Variants in LRRC4B observed in about 807,000 individuals in gnomAD.
The protein encoded by LRRC4B is leucine-rich repeat-containing protein 4B.
LRRC4B carries 1 observed loss-of-function variant against 7.3 expected under a neutral mutation model. The ratio of observed to expected loss-of-function variants is 0.14; its 90% CI spans 0.05 to 0.65. The LOEUF (loss-of-function observed/expected upper bound fraction) is 0.65. Among genes scored for constraint, LRRC4B ranks in the 30% least tolerant of loss-of-function variants. LRRC4B has a pLI of 0.84. For missense variants in LRRC4B, 730 were observed against 1,041.6 expected, an observed-to-expected ratio of 0.70 and a Z score of 4.12; for synonymous variants, 500 against 499.2, an observed-to-expected ratio of 1.00 and a Z score of -0.02.
In LRRC4B at chr19:50,553,299, G is replaced by A. The variant is rs1207396658; in HGVS notation, c.-35-4426C>T. Among the ~76,000 whole-genome samples, 2 of 151,970 alleles carry A rather than the reference G, an allele frequency of 1.3e-5. No individual in the cohort carries two copies. Among genetic ancestry groups the A allele is most frequent in the African/African-American group, 2.4e-5 (1 of 41,356 alleles). On this transcript the variant is annotated intron_variant, in intron 1 of 2. Transcript: ENST00000652263. This position sits in a 1 kb window ranked among gnomAD's most constrained non-coding sequence, Gnocchi z 4.2. ...GTCAACACCCCATGGACCCTGCCCC[G>A]CCTCTGCTCCACAGCCTTCCACAGC...
Position 50,526,187 on chromosome 19 carries a change from A to G in LRRC4B, c.298-6772T>C, listed in dbSNP as rs140997516. ...ATGACAGTGAGAGCCCATAAGACACAGTCTCTGCCCTGGAGCAGCTCATCC... is the reference window on the plus strand; with the variant it reads ...ATGACAGTGAGAGCCCATAAGACACGGTCTCTGCCCTGGAGCAGCTCATCC... On this transcript the variant is annotated intron_variant, in intron 2 of 2. Coordinates refer to ENST00000652263, the MANE Select transcript of LRRC4B (RefSeq NM_001080457.2). Among the ~76,000 whole-genome samples, 206 of 152,182 alleles carry G rather than the reference A, an allele frequency of 1.4e-3. 1 individual carries two copies. Among genetic ancestry groups the G allele is most frequent in the African/African-American group, 4.7e-3 (194 of 41,534 alleles).
intron 2 of LRRC4B, among the ~76,000 whole-genome samples, chr19:50,524,802 A>C (rs1980729347): frequency 2.0e-5 from 3 of 152,198 alleles, no homozygotes; most frequent in Admixed American, 6.5e-5. Context: ...TCTCAGTAGC[A>C]ACGCATGCAG....
chr19:50,527,104 C>T (rs1980843933), intron 2 of LRRC4B, among the ~76,000 whole-genome samples: 1 of 151,142 alleles, frequency 6.6e-6, no homozygotes, highest in Admixed American at 6.6e-5. Flanking sequence ...ACAATCCCGG[C>T]TTACTGCAAG....
intron 1 of LRRC4B, among the ~76,000 whole-genome samples, chr19:50,554,604 C>T (rs879493853): frequency 1.3e-5 from 2 of 152,214 alleles, no homozygotes; most frequent in Non-Finnish European, 2.9e-5. Context: ...CTAACCTCAT[C>T]TCTTCCGCAC....
At chr19:50,542,590 C>T (rs746497271) in intron 2 of LRRC4B, among the ~76,000 whole-genome samples, 1 of 150,342 alleles carries the variant, frequency 6.7e-6, no homozygotes, top group Non-Finnish European at 1.5e-5. Flanking sequence ...TATTCTCCTT[C>T]CTCAGCCTCC....
chr19:50,551,967 T>C (rs1340342917), intron 1 of LRRC4B, among the ~76,000 whole-genome samples: 1 of 144,884 alleles, frequency 6.9e-6, no homozygotes, highest in Non-Finnish European at 1.5e-5. Flanking sequence ...GGCCTCCCCC[T>C]CCCCCGCTAA....
At position 50,543,335 on chromosome 19, in the gene LRRC4B, G is replaced by GGTGTGT. The variant is rs143123202; in HGVS notation, c.297+5201_297+5206dup. Among the ~76,000 whole-genome samples the GGTGTGT allele has an allele frequency of 7.8e-3, 1,140 of 145,262 alleles. 11 individuals are homozygous for GGTGTGT. The highest frequency in any genetic ancestry group is 0.039 in the Middle Eastern group (11 of 284). ...TACCAATGCTCCAGTGCCAGGCCCTGGTGTGTGTGTGTGTGTGTGTGTGTG... is the reference window on the plus strand; with the variant it reads ...TACCAATGCTCCAGTGCCAGGCCCTGGTGTGTGTGTGTGTGTGTGTGTGTGTGTGTG... On this transcript the variant is annotated intron_variant, in intron 2 of 2. Transcript: ENST00000652263.
In LRRC4B at chr19:50,548,881, T is replaced by A; in HGVS notation, c.-35-8A>T. ...CGCGTGGACGCTGGGGGGCTGTGGGTGGGGGAGAGAAGGGGGAGAGGCTTG... is the reference window on the plus strand; with the variant it reads ...CGCGTGGACGCTGGGGGGCTGTGGGAGGGGGAGAGAAGGGGGAGAGGCTTG... On this transcript the variant is annotated splice_region_variant and splice_polypyrimidine_tract_variant and intron_variant, in intron 1 of 2. Transcript: ENST00000652263. The surrounding 1 kb of genome is among the most constrained non-coding windows in gnomAD (Gnocchi z 6.8). The A allele has an allele frequency of 2.3e-6, 1 of 433,744 alleles. No individual in the cohort carries two copies. Among genetic ancestry groups the A allele is most frequent in the Non-Finnish European group, 3.2e-6 (1 of 312,430 alleles). The allele number at this position is 433,744 out of a possible 1,614,324, so 26.9% of individuals were successfully genotyped here. A position where few individuals can be genotyped will look rare whatever the true frequency, so the allele number is the denominator to read the frequency against.
At chr19:50,561,143 TC>T (rs1347823861) in intron 1 of LRRC4B, among the ~76,000 whole-genome samples, 1 of 151,574 alleles carries the variant, frequency 6.6e-6, no homozygotes, top group Non-Finnish European at 1.5e-5. Flanking sequence ...CAAACAGTTT[TC>T]CCATTCCATG....
rs1050277023 is a variant in LRRC4B, at chr19:50,548,764, G to A, written c.75C>T (p.Leu25=). ...GRMSWPHGAL[L]FLWLFSPPLG... is the part of the protein sequence containing the mutation. ...GGGGTGGGGAGAAGAGCCAGAGGAAGAGCAATGCCCCGTGGGGCCAGGACA... is the reference window on the plus strand; with the variant it reads ...GGGGTGGGGAGAAGAGCCAGAGGAAAAGCAATGCCCCGTGGGGCCAGGACA... Residue 25 remains leucine, a synonymous_variant, in exon 2 of 3, where the codon CTC becomes CTT. Transcript: ENST00000652263. This position sits in a 1 kb window ranked among gnomAD's most constrained non-coding sequence, Gnocchi z 6.8. The A allele has an allele frequency of 6.5e-7, 1 of 1,538,562 alleles. No individual in the cohort carries two copies. The highest frequency in any genetic ancestry group is 1.2e-5 in the South Asian group (1 of 83,584).
intron 2 of LRRC4B, among the ~76,000 whole-genome samples, chr19:50,532,768 C>T (rs569299425): frequency 1.1e-4 from 16 of 152,308 alleles, no homozygotes; most frequent in South Asian, 8.3e-4. Context: ...ATTCCCAGCA[C>T]GCTATGCAAG....
intron 1 of LRRC4B, among the ~76,000 whole-genome samples, 162 bp from the exon 2 acceptor site, chr19:50,549,035 G>A (rs906773188): frequency 9.2e-5 from 14 of 152,266 alleles, no homozygotes; most frequent in Non-Finnish European, 1.5e-4. Context: ...CCACCCAGCA[G>A]GCTGGGGCAG....
chr19:50,543,055 G>A (rs963157939), intron 2 of LRRC4B, among the ~76,000 whole-genome samples: 3 of 152,096 alleles, frequency 2.0e-5, no homozygotes, highest in African/African-American at 4.8e-5. Flanking sequence ...GATTCGCGTC[G>A]GCTCCCACCG....
chr19:50,535,820 G>A (rs1030028324), intron 2 of LRRC4B, among the ~76,000 whole-genome samples: 2 of 152,226 alleles, frequency 1.3e-5, no homozygotes, highest in African/African-American at 4.8e-5. Flanking sequence ...CCAGGCCCTG[G>A]CCTGGGTGGA....
In LRRC4B at chr19:50,568,198, C is replaced by T. The variant is rs957426732; in HGVS notation, c.-290G>A. Among the ~76,000 whole-genome samples, 29 of 151,588 alleles carry T rather than the reference C, an allele frequency of 1.9e-4. No individual in the cohort carries two copies. Among genetic ancestry groups the T allele is most frequent in the Admixed American group, 6.6e-4 (10 of 15,228 alleles). On this transcript the variant is annotated 5_prime_UTR_variant, in exon 1 of 3. Coordinates refer to ENST00000652263, the MANE Select transcript of LRRC4B (RefSeq NM_001080457.2). Reference sequence around the variant, plus strand: ...CGCCTCGCGCCCGCCTGCCGTCCGGCCCCGCGCCCTCGCCCGCCGCCCGCC... The same window carrying T: ...CGCCTCGCGCCCGCCTGCCGTCCGGTCCCGCGCCCTCGCCCGCCGCCCGCC...
intron 2 of LRRC4B, among the ~76,000 whole-genome samples, chr19:50,543,330 G>C (rs1315554808): frequency 6.7e-6 from 1 of 148,940 alleles, no homozygotes; most frequent in Non-Finnish European, 1.5e-5. Context: ...CCAGTGCCAG[G>C]CCCTGGTGTG....
At position 50,553,777 on chromosome 19, in the gene LRRC4B, G is replaced by A. The variant is rs1982179679; in HGVS notation, c.-35-4904C>T. Among the ~76,000 whole-genome samples the A allele has an allele frequency of 6.6e-6, 1 of 152,106 alleles. No individual in the cohort carries two copies. Among genetic ancestry groups the A allele is most frequent in the South Asian group, 2.1e-4 (1 of 4,830 alleles). On this transcript the variant is annotated intron_variant, in intron 1 of 2. Transcript: ENST00000652263. This position sits in a 1 kb window ranked among gnomAD's most constrained non-coding sequence, Gnocchi z 4.2. ...CAACAGTGCTGGGCACATGGCAGTT[G>A]CTCACCAAACACTGGGTGCAGGGAC... is the stretch of plus-strand genomic sequence containing the variant.
chr19:50,567,708 G>A (rs1277183989), intron 1 of LRRC4B, among the ~76,000 whole-genome samples: 3 of 130,062 alleles, frequency 2.3e-5, no homozygotes, highest in African/African-American at 6.1e-5. Context: ...AGGCAGCGGC[G>A]ACAACCACCC....
At chr19:50,543,977 G>A (rs1376973014) in intron 2 of LRRC4B, among the ~76,000 whole-genome samples, 3 of 152,060 alleles carry the variant, frequency 2.0e-5, no homozygotes, top group Non-Finnish European at 4.4e-5. Flanking sequence ...AGGCCAAGGC[G>A]GGCAGATCAT....
Sources: allele counts gnomAD v4.1 joint callset (sites outside exome capture counted in the v4.1 genomes callset), GRCh38; gene constraint gnomAD v4.1.1; non-coding constraint Gnocchi (gnomAD v3.1); transcripts MANE v1.5; gene names NCBI Gene and HGNC (gene_info 2026-07-23, HGNC 2026-07-21).